SEPTIN2: variants seen among roughly 807,000 people sequenced by gnomAD.
SEPTIN2 encodes the protein septin 2.
A neutral mutation model predicts 46.5 loss-of-function variants in SEPTIN2; 34 were observed. The ratio of observed to expected loss-of-function variants is 0.73; its 90% CI spans 0.56 to 0.97. The LOEUF (loss-of-function observed/expected upper bound fraction) is 0.97. Ranked by LOEUF, SEPTIN2 falls within the 50% of genes least tolerant of loss-of-function variation. SEPTIN2 has a pLI of 0.00. For missense variants in SEPTIN2, 347 were observed against 448.4 expected (o/e 0.77, Z 2.04); for synonymous variants, 175 against 153.4 (o/e 1.14, Z -1.04).
At chr2:241,342,959 C>T in intron 7 of SEPTIN2, 33 bp from the exon 8 acceptor site, 3 of 1,264,368 alleles carry the variant, frequency 2.4e-6, no homozygotes, top group South Asian at 2.5e-5. Context: ...ACGCAGTTTG[C>T]TAAAATTGAT....
At chr2:241,332,828 A>G (rs2079220644) in intron 3 of SEPTIN2, among the ~76,000 whole-genome samples, 1 of 152,266 alleles carries the variant, frequency 6.6e-6, no homozygotes, top group African/African-American at 2.4e-5. Flanking sequence ...AACATGCATC[A>G]GTCTCAGAGC....
intron 4 of SEPTIN2, 116 bp downstream of exon 4, chr2:241,335,328 A>G (rs961581853): frequency 1.3e-6 from 2 of 1,554,422 alleles, no homozygotes; most frequent in African/African-American, 1.4e-5. Context: ...TCAGCTTTGA[A>G]CACAAGGAAA....
At chr2:241,340,611 T>A (rs1167338015) in intron 7 of SEPTIN2, among the ~76,000 whole-genome samples, 1 of 152,254 alleles carries the variant, frequency 6.6e-6, no homozygotes, top group Non-Finnish European at 1.5e-5. Context: ...CTCTGCTATA[T>A]TAAATTTCTT....
Position 241,337,379 on chromosome 2 carries a change from C to G in SEPTIN2, c.342-3C>G. ...TTATTGTTAATGTTTCTGTTTCTCT[C>G]AGTTTTAAGACAATTATCTCCTATA... On this transcript the variant is annotated splice_region_variant and splice_polypyrimidine_tract_variant and intron_variant, in intron 5 of 12. Coordinates refer to ENST00000391971, the MANE Select transcript of SEPTIN2 (RefSeq NM_004404.5). 1 of 1,609,868 alleles carries G rather than the reference C, an allele frequency of 6.2e-7. No homozygotes were observed. The highest frequency in any genetic ancestry group is 1.1e-5 in the South Asian group (1 of 90,048).
In SEPTIN2 at chr2:241,332,709, A is replaced by T. The variant is rs115135632; in HGVS notation, c.131-2417A>T. 7.6e-3 allele frequency among the ~76,000 whole-genome samples: 1,154 copies of T among 152,364 alleles called. 14 individuals carry two copies. The highest frequency in any genetic ancestry group is 0.026 in the African/African-American group (1,089 of 41,580). ...AGCTACTTTTCTCAAAATAGCCCCA[A>T]ACTGGGGACAGCAGAGGTATCTAGA... is the stretch of plus-strand genomic sequence containing the variant. On this transcript the variant is annotated intron_variant, in intron 3 of 12. Transcript: ENST00000391971.
At chr2:241,345,960 T>C (rs980104546) in intron 9 of SEPTIN2, among the ~76,000 whole-genome samples, 2 of 152,122 alleles carry the variant, frequency 1.3e-5, no homozygotes, top group South Asian at 2.1e-4. Flanking sequence ...TTGTATATCA[T>C]TTATTGGGGA....
At chr2:241,328,078 A>G (rs1382216464) in intron 3 of SEPTIN2, among the ~76,000 whole-genome samples, 1 of 152,158 alleles carries the variant, frequency 6.6e-6, no homozygotes, top group East Asian at 1.9e-4. Flanking sequence ...TAGCCAGAAC[A>G]AAGAAATTTA....
At chr2:241,343,669 A>C (rs926049213) in intron 8 of SEPTIN2, 83 bp from the exon 9 acceptor site, 1 of 1,503,354 alleles carries the variant, frequency 6.7e-7, no homozygotes, top group Admixed American at 1.8e-5. Context: ...CAATGTGTTA[A>C]GTCTGTGCTA....
In SEPTIN2 at chr2:241,344,902, G is replaced by A. The variant is rs372527046; in HGVS notation, c.842+1005G>A. ...CTGACATGGTGAAACCAGCCTGGCC[G>A]ACATGGTGAAACCAGCCTGGCCAAC... On this transcript the variant is annotated intron_variant, in intron 9 of 12. Transcript: ENST00000391971. Among the ~76,000 whole-genome samples the A allele has an allele frequency of 3.3e-5, 5 of 151,648 alleles. No individual in the cohort carries two copies. In the South Asian group the frequency reaches 8.3e-4, roughly 25 times the overall value.
chr2:241,327,564 T>C (rs1427600831), intron 3 of SEPTIN2, among the ~76,000 whole-genome samples: 1 of 148,514 alleles, frequency 6.7e-6, no homozygotes, highest in Non-Finnish European at 1.5e-5. Context: ...TTCAGCAAAG[T>C]TGTAAATGCA....
chr2:241,346,184 C>T lies in SEPTIN2; in HGVS notation c.861C>T (p.Leu287=). 6.2e-7 allele frequency: 1 copy of T among 1,613,854 alleles called. No individual in the cohort carries two copies. The highest frequency in any genetic ancestry group is 8.5e-7 in the Non-Finnish European group (1 of 1,179,860). ...CTTTCAGCACCCACATGCAGGATCT[C>T]CAGGAGGTGACCCAGGACCTTCATT... The part of the protein sequence containing the change: ...RTMLITHMQD[L]QEVTQDLHYE... Residue 287 remains leucine, a synonymous_variant, in exon 10 of 13, where the codon CTC becomes CTT. Coordinates refer to ENST00000391971, the MANE Select transcript of SEPTIN2 (RefSeq NM_004404.5).
chr2:241,327,401 A>C (rs566248562), intron 3 of SEPTIN2, among the ~76,000 whole-genome samples: 7 of 152,148 alleles, frequency 4.6e-5, no homozygotes, highest in African/African-American at 1.7e-4. Context: ...GAAGCACAGT[A>C]AGGGAAAAGC....
In SEPTIN2 at chr2:241,336,381, A is replaced by G. The variant is rs958023225; in HGVS notation, c.341+283A>G. The G allele has an allele frequency of 7.7e-6, 3 of 391,118 alleles. No individual in the cohort carries two copies. In the East Asian group the frequency reaches 1.5e-4, roughly 19 times the overall value. The allele number at this position is 391,118 out of a possible 1,614,324, so 24.2% of individuals were successfully genotyped here. ...TTGAGCCGTGGTTGGTGACCGAGAT[A>G]CTGTAGTACATCCTTTCTATGTGGA... On this transcript the variant is annotated intron_variant, in intron 5 of 12. Coordinates refer to ENST00000391971, the MANE Select transcript of SEPTIN2 (RefSeq NM_004404.5).
chr2:241,346,194 A>C lies in SEPTIN2; in HGVS notation c.871A>C (p.Thr291Pro). 1 of 1,613,832 alleles carries C rather than the reference A, an allele frequency of 6.2e-7. No homozygotes were observed. Among genetic ancestry groups the C allele is most frequent in the Non-Finnish European group, 8.5e-7 (1 of 1,179,912 alleles). The change falls in exon 10 of 13, where the codon ACC (threonine) becomes CCC (proline). Residue 291 changes from threonine to proline, a missense_variant. Coordinates refer to ENST00000391971, the MANE Select transcript of SEPTIN2 (RefSeq NM_004404.5). ...ITHMQDLQEV[T>P]QDLHYENFRS... ...CCACATGCAGGATCTCCAGGAGGTG[A>C]CCCAGGACCTTCATTATGAAAACTT...
chr2:241,337,818 C>T, intron 7 of SEPTIN2, 28 bp downstream of exon 7: 2 of 1,515,356 alleles, frequency 1.3e-6, no homozygotes, highest in Non-Finnish European at 1.8e-6. Context: ...CCTGCCCTCC[C>T]TCTGGGTGCG....
intron 3 of SEPTIN2, among the ~76,000 whole-genome samples, chr2:241,328,991 G>C (rs1046537120): frequency 1.3e-5 from 2 of 152,068 alleles, no homozygotes; most frequent in Non-Finnish European, 2.9e-5. Flanking sequence ...TTGCACTCCA[G>C]CCTGGGCAAC....
chr2:241,321,336 A>G (rs2077091863), intron 1 of SEPTIN2, among the ~76,000 whole-genome samples: 2 of 152,108 alleles, frequency 1.3e-5, no homozygotes, highest in Non-Finnish European at 2.9e-5. Context: ...TTATTTGAAT[A>G]TACAGGCTTA....
At chr2:241,344,230 G>T (rs1389847479) in intron 9 of SEPTIN2, among the ~76,000 whole-genome samples, 1 of 152,122 alleles carries the variant, frequency 6.6e-6, no homozygotes, top group Admixed American at 6.5e-5. Flanking sequence ...CCCCAGTGCT[G>T]GTAAGGAAAC....
Position 241,343,903 on chromosome 2 carries a change from A to G in SEPTIN2, c.842+6A>G. The G allele has an allele frequency of 6.2e-7, 1 of 1,613,928 alleles. No homozygotes were observed. The highest frequency in any genetic ancestry group is 1.1e-5 in the South Asian group (1 of 91,068). On this transcript the variant is annotated splice_donor_region_variant and intron_variant, in intron 9 of 12. Coordinates refer to ENST00000391971, the MANE Select transcript of SEPTIN2 (RefSeq NM_004404.5). The stretch of plus-strand genomic sequence containing the variant: ...AAGCTGAGAACCATGCTCATGTAAG[A>G]CATTTGGTGTGTTCCTTCTGGCAGA...
Sources: gnomAD v4.1 joint callset for allele counts (sites outside exome capture counted in the v4.1 genomes callset) on GRCh38, gnomAD v4.1.1 for gene constraint, MANE v1.5 for transcripts, NCBI Gene and HGNC (gene_info 2026-07-23, HGNC 2026-07-21) for gene names.